The following VARS1 variants were observed in gnomAD, a reference collection of about 807,000 sequenced individuals.
The protein encoded by VARS1 is valine--tRNA ligase.
Under a neutral mutation model 161.0 loss-of-function variants are expected in VARS1, and 92 were observed. That is an observed-to-expected ratio of 0.57 (90% confidence interval 0.48 to 0.68). VARS1 has a LOEUF of 0.68. VARS1 is among the 30% of genes least tolerant of loss of function. The pLI is 0.00. For synonymous variants in VARS1, 595 were observed against 682.5 expected, an observed-to-expected ratio of 0.87 and a Z score of 2.00; for missense variants, 1,338 against 1,695.9, an observed-to-expected ratio of 0.79 and a Z score of 3.71.
chr6:31,786,120 C>T (rs1813484907), intron 8 of VARS1, among the ~76,000 whole-genome samples: 2 of 152,130 alleles, frequency 1.3e-5, no homozygotes, highest in Admixed American at 6.5e-5. Context: ...ATTAGCTGGG[C>T]GTGGTGGCAT....
In VARS1 at chr6:31,780,346, G is replaced by T. The variant is rs574413298; in HGVS notation, c.2925+95C>A. ...GCTTTCCCTTTAACTGTCTGTCTCT[G>T]TGTCTATCTGTCCCCCCAGCTACAT... On this transcript the variant is annotated intron_variant, in intron 25 of 29. Transcript: ENST00000375663. This position sits in a 1 kb window ranked among gnomAD's most constrained non-coding sequence, Gnocchi z 5.1. The T allele has an allele frequency of 6.4e-7, 1 of 1,552,956 alleles. No homozygotes were observed. Among genetic ancestry groups the T allele is most frequent in the African/African-American group, 1.4e-5 (1 of 73,496 alleles).
At chr6:31,792,334 A>C in intron 5 of VARS1, 33 bp from the exon 6 acceptor site, 1 of 1,613,890 alleles carries the variant, frequency 6.2e-7, no homozygotes, top group Non-Finnish European at 8.5e-7. Flanking sequence ...AGGCCCAGGC[A>C]TCAGCCAACC....
At chr6:31,793,299 C>T (rs572443806) in intron 2 of VARS1, among the ~76,000 whole-genome samples, 179 bp from the exon 3 acceptor site, 2 of 152,188 alleles carry the variant, frequency 1.3e-5, no homozygotes, top group African/African-American at 2.4e-5. Flanking sequence ...GTCAGGAGAT[C>T]GAGACCATCC....
rs1220917347 is a variant in VARS1 at position 31,791,239 on chromosome 6, T to C, written c.1100+371A>G. Among the ~76,000 whole-genome samples, 1 of 152,078 alleles carries C rather than the reference T, an allele frequency of 6.6e-6. No homozygotes were observed. The highest frequency in any genetic ancestry group is 2.4e-5 in the African/African-American group (1 of 41,406). ...AGAAAAAGAAGGGAGAGACTGGGTG[T>C]GGTGCCTCACACCTATAATCCCAGC... On this transcript the variant is annotated intron_variant, in intron 8 of 29. Transcript: ENST00000375663. The surrounding 1 kb of genome is among the most constrained non-coding windows in gnomAD (Gnocchi z 5.0).
chr6:31,787,506 G>A (rs1394333819), intron 8 of VARS1, among the ~76,000 whole-genome samples: 4 of 152,132 alleles, frequency 2.6e-5, no homozygotes, highest in Admixed American at 6.6e-5. Context: ...TTAGCTGGGC[G>A]TGGTGGTGCG....
intron 8 of VARS1, among the ~76,000 whole-genome samples, chr6:31,786,665 C>CAAAAAAAAAA: frequency 3.2e-5 from 1 of 31,606 alleles, no homozygotes; most frequent in Non-Finnish European, 5.6e-5. Context: ...GACTCTGTCT[C>CAAAAAAAAAA]AAAAAAAAAA....
chr6:31,792,043 G>A, intron 6 of VARS1, 72 bp from the exon 7 acceptor site: 3 of 1,478,062 alleles, frequency 2.0e-6, no homozygotes, highest in Non-Finnish European at 2.7e-6. Flanking sequence ...CTGGCAGAGA[G>A]GGATCGGGAT....
At position 31,779,827 on chromosome 6, in the gene VARS1, A is replaced by C; in HGVS notation, c.3082-13T>G. On this transcript the variant is annotated splice_polypyrimidine_tract_variant and intron_variant, in intron 26 of 29. Transcript: ENST00000375663. The surrounding 1 kb of genome is among the most constrained non-coding windows in gnomAD (Gnocchi z 9.1). ...GTTTCAGGCACTCCTAGGGGACGAG[A>C]GGTACAGGGCTCACGGCTGGAGGTC... is the stretch of plus-strand genomic sequence containing the variant. 1 of 1,612,590 alleles carries C rather than the reference A, an allele frequency of 6.2e-7. No homozygotes were observed. The highest frequency in any genetic ancestry group is 8.5e-7 in the Non-Finnish European group (1 of 1,179,800).
rs1812941711 is a variant in VARS1 at position 31,779,134 on chromosome 6, T to C, written c.3559A>G (p.Ile1187Val). 1 of 1,606,820 alleles carries C rather than the reference T, an allele frequency of 6.2e-7. No homozygotes were observed. The highest frequency in any genetic ancestry group is 8.5e-7 in the Non-Finnish European group (1 of 1,176,914). Residue 1187 changes from isoleucine (I) to valine (V), a missense_variant, in exon 29 of 30, where the codon ATC becomes GTC. Around this residue, in one of 3 missense-constraint regions of VARS1, gnomAD observed 433 missense variants for 586.2 expected, o/e 0.74. Coordinates refer to ENST00000375663, the MANE Select transcript of VARS1 (RefSeq NM_006295.3). The surrounding 1 kb of genome is among the most constrained non-coding windows in gnomAD (Gnocchi z 9.1). ...AVALASDRCS[I>V]HLQLQGLVDP... ...ACCAGCCCCTGAAGCTGCAGGTGGA[T>C]GGAGCAGCGATCAGAAGCCAGAGCC...
In VARS1 at chr6:31,783,111, T is replaced by A. The variant is rs754969412; in HGVS notation, c.1747A>T (p.Met583Leu). Residue 583 changes from methionine (M) to leucine (L), a missense_variant, in exon 14 of 30, where the codon ATG becomes TTG. This residue lies in a region of VARS1 where 902 missense variants were observed against 1,090.3 expected (regional missense o/e 0.83). Coordinates refer to ENST00000375663, the MANE Select transcript of VARS1 (RefSeq NM_006295.3). Reference sequence around the variant, plus strand: ...CCTTGCCCACCTGTGCCAAAGTCCATGTCCACAAATTCATCGAAGACAATG... The same window carrying A: ...CCTTGCCCACCTGTGCCAAAGTCCAAGTCCACAAATTCATCGAAGACAATG... ...LPIVFDEFVD[M>L]DFGTGAVKIT... is the part of the protein sequence containing the mutation. 1 of 1,612,628 alleles carries A rather than the reference T, an allele frequency of 6.2e-7. No homozygotes were observed. Among genetic ancestry groups the A allele is most frequent in the Admixed American group, 1.7e-5 (1 of 59,966 alleles).
Position 31,780,519 on chromosome 6 carries a change from G to C in VARS1, c.2847C>G (p.Phe949Leu). The C allele has an allele frequency of 6.2e-7, 1 of 1,614,084 alleles. No individual in the cohort carries two copies. Among genetic ancestry groups the C allele is most frequent in the Non-Finnish European group, 8.5e-7 (1 of 1,180,026 alleles). ...TGGTGGCATTCCAGAGCTTGTTGCAGAAGTGGCGGTAACCCAGTATCCGGT... is the reference window on the plus strand; with the variant it reads ...TGGTGGCATTCCAGAGCTTGTTGCACAAGTGGCGGTAACCCAGTATCCGGT... Reference protein sequence around the residue: ...DVNRILGYRHFCNKLWNATKF... With the variant: ...DVNRILGYRHLCNKLWNATKF... Residue 949 changes from phenylalanine (F) to leucine (L), a missense_variant, in exon 25 of 30, where the codon TTC becomes TTG. Phe to Leu is a conservative substitution (Grantham distance 22). Coordinates refer to ENST00000375663, the MANE Select transcript of VARS1 (RefSeq NM_006295.3). This position sits in a 1 kb window ranked among gnomAD's most constrained non-coding sequence, Gnocchi z 5.1.
Position 31,784,531 on chromosome 6 carries a change from C to T in VARS1, c.1468-29G>A. On this transcript the variant is annotated intron_variant, in intron 11 of 29. Transcript: ENST00000375663. This position sits in a 1 kb window ranked among gnomAD's most constrained non-coding sequence, Gnocchi z 6.1. ...TAAAATGGGTATTTAGAGGCGTGGC[C>T]CAGGGGCCAGGGCCAGGGCCAGGGT... 6.2e-7 allele frequency: 1 copy of T among 1,613,670 alleles called. No homozygotes were observed. The highest frequency in any genetic ancestry group is 8.5e-7 in the Non-Finnish European group (1 of 1,180,022).
In VARS1 at chr6:31,779,656, C is replaced by T. The variant is rs762131426; in HGVS notation, c.3240G>A (p.Pro1080=). The change falls in exon 27 of 30, where the codon CCG becomes CCA. Residue 1080 remains proline, a synonymous_variant. Coordinates refer to ENST00000375663, the MANE Select transcript of VARS1 (RefSeq NM_006295.3). The surrounding 1 kb of genome is among the most constrained non-coding windows in gnomAD (Gnocchi z 9.1). ...TAACACAGAGGCTAGGGGGAGCTTG[C>T]GGCATCCTCCGGGGCAGCCTCTGGA... ...ELFQRLPRRM[P]QAPPSLCVTP... 26 of 1,612,578 alleles carry T rather than the reference C, an allele frequency of 1.6e-5. No individual in the cohort carries two copies. The highest frequency in any genetic ancestry group is 5.3e-5 in the African/African-American group (4 of 74,888).
At chr6:31,790,935 G>A (rs1180410772) in intron 8 of VARS1, among the ~76,000 whole-genome samples, 1 of 152,124 alleles carries the variant, frequency 6.6e-6, no homozygotes, top group African/African-American at 2.4e-5. Flanking sequence ...GGAGGAAGTA[G>A]GTGTGGAGGG....
In VARS1 at chr6:31,782,576, G is replaced by A; in HGVS notation, c.1945C>T (p.Leu649=). Residue 649 remains leucine (L), a synonymous_variant, in exon 16 of 30, where the codon CTG becomes TTG. Transcript: ENST00000375663. The surrounding 1 kb of genome is among the most constrained non-coding windows in gnomAD (Gnocchi z 8.3). ...GGGTTGTCCTCAATGCCACGGAACA[G>A]TCCCCGCTCCTTCAGCGCCACCAGC... ...AVLVALKERG[L]FRGIEDNPMV... The A allele has an allele frequency of 6.2e-7, 1 of 1,613,072 alleles. No homozygotes were observed. Among genetic ancestry groups the A allele is most frequent in the Non-Finnish European group, 8.5e-7 (1 of 1,180,032 alleles).
In VARS1 at chr6:31,780,333, A is replaced by C; in HGVS notation, c.2925+108T>G. On this transcript the variant is annotated intron_variant, in intron 25 of 29. Transcript: ENST00000375663. The surrounding 1 kb of genome is among the most constrained non-coding windows in gnomAD (Gnocchi z 5.1). Reference sequence around the variant, plus strand: ...CCCAATGCGCTGGGCTTTCCCTTTAACTGTCTGTCTCTGTGTCTATCTGTC... The same window carrying C: ...CCCAATGCGCTGGGCTTTCCCTTTACCTGTCTGTCTCTGTGTCTATCTGTC... 6.5e-7 allele frequency: 1 copy of C among 1,540,566 alleles called. No homozygotes were observed. The highest frequency in any genetic ancestry group is 2.3e-5 in the East Asian group (1 of 43,942).
In VARS1 at chr6:31,795,287, CG is replaced by C. The variant is rs555247967; in HGVS notation, c.-33-38del. ...GAGAGACAGGGGAAGACTGCGGGATCGAGGTGGGTCCTATGTTTGAGTAGAG... is the reference window on the plus strand; with the variant it reads ...GAGAGACAGGGGAAGACTGCGGGATCAGGTGGGTCCTATGTTTGAGTAGAG... On this transcript the variant is annotated intron_variant, in intron 1 of 29. Transcript: ENST00000375663. The surrounding 1 kb of genome is among the most constrained non-coding windows in gnomAD (Gnocchi z 6.9). 2,991 of 1,331,304 alleles carry C rather than the reference CG, an allele frequency of 2.2e-3. 3 individuals are homozygous for C. The highest frequency in any genetic ancestry group is 2.6e-3 in the Non-Finnish European group (2,740 of 1,034,254). 82.5% of individuals were successfully genotyped at this position (1,331,304 alleles called of 1,614,324 possible). A position where few individuals can be genotyped will look rare whatever the true frequency, so the allele number is the denominator to read the frequency against.
At position 31,781,485 on chromosome 6, in the gene VARS1, C is replaced by T. The variant is rs780355160; in HGVS notation, c.2540G>A (p.Arg847Lys). 2 of 1,612,476 alleles carry T rather than the reference C, an allele frequency of 1.2e-6. No individual in the cohort carries two copies. Among genetic ancestry groups the T allele is most frequent in the Non-Finnish European group, 8.5e-7 (1 of 1,179,878 alleles). Residue 847 changes from arginine to lysine, a missense_variant, in exon 21 of 30, where the codon AGA becomes AAA. By Grantham distance (26) the Arg-to-Lys change is conservative (BLOSUM62 2). Transcript: ENST00000375663. The surrounding 1 kb of genome is among the most constrained non-coding windows in gnomAD (Gnocchi z 6.8). ...GGGTCTCGGCTGTCTCCGCACCTCT[C>T]TAAAGGGCAGCCTGCCCGTGAGCTT... is the stretch of plus-strand genomic sequence containing the variant. ...GLKLTGRLPF[R>K]EVYLHAIVRD...
In VARS1 at chr6:31,777,981, A is replaced by AGAT. The variant is rs1562289377; in HGVS notation, c.3727-322_3727-320dup. ...TCCCAGGCCGGTCACTTCATTTGTC[A>AGAT]GATGATGATGATGATATTGCCCCCC... On this transcript the variant is annotated intron_variant, in intron 29 of 29. Coordinates refer to ENST00000375663, the MANE Select transcript of VARS1 (RefSeq NM_006295.3). This position sits in a 1 kb window ranked among gnomAD's most constrained non-coding sequence, Gnocchi z 5.8. 5 of 464,668 alleles carry AGAT rather than the reference A, an allele frequency of 1.1e-5. No individual in the cohort carries two copies. The highest frequency in any genetic ancestry group is 1.9e-5 in the Non-Finnish European group (5 of 256,886). The allele number at this position is 464,668 out of a possible 1,614,324, so 28.8% of individuals were successfully genotyped here.
Sources: allele counts gnomAD v4.1 joint callset (sites outside exome capture counted in the v4.1 genomes callset), GRCh38; gene constraint gnomAD v4.1.1; regional missense constraint gnomAD v4.1.1; non-coding constraint Gnocchi (gnomAD v3.1); transcripts MANE v1.5; gene names NCBI Gene and HGNC (gene_info 2026-07-23, HGNC 2026-07-21).